Variants in PCSK5 observed in about 807,000 individuals in gnomAD.
The protein encoded by PCSK5 is prohormone convertase 5.
Under a neutral mutation model 233.2 loss-of-function variants are expected in PCSK5, and 129 were observed. That is an observed-to-expected ratio of 0.55 (90% confidence interval 0.48 to 0.64). PCSK5 has a LOEUF of 0.64. Among genes scored for constraint, PCSK5 ranks in the 30% least tolerant of loss-of-function variants. The probability of loss-of-function intolerance (pLI) is 0.00; values close to 1 mark genes in which losing one functional copy is unlikely to be tolerated. For synonymous variants in PCSK5, 825 were observed against 879.2 expected, an observed-to-expected ratio of 0.94 and a Z score of 1.09; for missense variants, 2,076 against 2,430.1, an observed-to-expected ratio of 0.85 and a Z score of 3.06.
intron 3 of PCSK5, among the ~76,000 whole-genome samples, chr9:76,013,687 G>C (rs1441075876): frequency 6.6e-6 from 1 of 152,138 alleles, no homozygotes; most frequent in Non-Finnish European, 1.5e-5. Context: ...ATGAATGAAG[G>C]TTTGGGAAGA....
chr9:75,948,810 T>C (rs1165449472), intron 2 of PCSK5, among the ~76,000 whole-genome samples: 1 of 152,152 alleles, frequency 6.6e-6, no homozygotes, highest in East Asian at 1.9e-4. Flanking sequence ...CTCCACATCC[T>C]ATCCAGCATC....
intron 32 of PCSK5, 68 bp downstream of exon 32, chr9:76,323,356 G>T (rs1373692862): frequency 4.5e-6 from 4 of 884,174 alleles, no homozygotes; most frequent in Non-Finnish European, 7.2e-6. Context: ...CCCAGCGCCA[G>T]AGCTGTCATC....
chr9:76,051,863 C>A (rs1273011743), intron 5 of PCSK5, among the ~76,000 whole-genome samples: 1 of 152,172 alleles, frequency 6.6e-6, no homozygotes, highest in Non-Finnish European at 1.5e-5. Context: ...ACTAGTGGAT[C>A]TAAGTCTCAG....
chr9:75,914,890 T>C (rs1822915182), intron 1 of PCSK5, among the ~76,000 whole-genome samples: 1 of 152,214 alleles, frequency 6.6e-6, no homozygotes, highest in African/African-American at 2.4e-5. Context: ...CCCCTACTTC[T>C]GTGAAAATCT....
intron 3 of PCSK5, among the ~76,000 whole-genome samples, chr9:76,009,642 AC>A (rs1380499919): frequency 4.6e-5 from 7 of 151,780 alleles, no homozygotes; most frequent in South Asian, 2.1e-4. Context: ...AAAAAAAAAA[AC>A]AAAAAAGAAA....
At chr9:76,254,416 T>C (rs1342530245) in intron 24 of PCSK5, among the ~76,000 whole-genome samples, 1 of 152,102 alleles carries the variant, frequency 6.6e-6, no homozygotes, top group African/African-American at 2.4e-5. Context: ...TGTCTTACCT[T>C]GGAAATGTCT....
intron 34 of PCSK5, among the ~76,000 whole-genome samples, chr9:76,333,689 A>G (rs1044726221): frequency 2.6e-5 from 4 of 152,220 alleles, no homozygotes; most frequent in African/African-American, 9.6e-5. Context: ...TCAATAACCT[A>G]GAGCACTGGG....
chr9:76,044,237 A>C (rs1181261909), intron 5 of PCSK5, among the ~76,000 whole-genome samples: 1 of 152,230 alleles, frequency 6.6e-6, no homozygotes, highest in Non-Finnish European at 1.5e-5. Flanking sequence ...GATTTTAAAA[A>C]TCAGGAATAT....
At chr9:76,099,442 C>A (rs1052573916) in intron 8 of PCSK5, among the ~76,000 whole-genome samples, 1 of 152,182 alleles carries the variant, frequency 6.6e-6, no homozygotes, top group African/African-American at 2.4e-5. Flanking sequence ...CGCCTAAGCT[C>A]CTGTAGCTTT....
At position 76,328,113 on chromosome 9, in the gene PCSK5, T is replaced by G. The variant is rs763544804; in HGVS notation, c.4444T>G (p.Cys1482Gly). ...PRGSCMANEK[C>G]SPSEYWDEDA... ...TGGGAGCTGCATGGCCAACGAGAAG[T>G]GCTCACCCTCCGAGTACTGGGATGA... Residue 1482 changes from cysteine to glycine, a missense_variant, in exon 33 of 38, where the codon TGC (cysteine) becomes GGC (glycine). Cys to Gly is a radical substitution (Grantham distance 159, BLOSUM62 -3). Transcript: ENST00000674117. The G allele has an allele frequency of 1.4e-5, 23 of 1,612,678 alleles. No individual in the cohort carries two copies. The highest frequency in any genetic ancestry group is 1.8e-5 in the Non-Finnish European group (21 of 1,179,828).
intron 2 of PCSK5, among the ~76,000 whole-genome samples, chr9:75,967,312 G>A (rs776570996): frequency 6.6e-6 from 1 of 152,106 alleles, no homozygotes; most frequent in African/African-American, 2.4e-5. Context: ...AGTACCCAAT[G>A]TTTAGCTCCC....
At chr9:76,178,227 A>AT (rs1426527756) in intron 14 of PCSK5, among the ~76,000 whole-genome samples, 1 of 152,190 alleles carries the variant, frequency 6.6e-6, no homozygotes, top group African/African-American at 2.4e-5. Flanking sequence ...TAGCTATGGA[A>AT]TTTGGAGATC....
At chr9:76,328,338 A>AT (rs1327788247) in intron 33 of PCSK5, 99 bp downstream of exon 33, 6 of 860,532 alleles carry the variant, frequency 7.0e-6, no homozygotes, top group Non-Finnish European at 7.6e-6. Context: ...TTTCTTTTTG[A>AT]TTTTTTGCTT....
intron 12 of PCSK5, among the ~76,000 whole-genome samples, chr9:76,164,225 G>A (rs1420962500): frequency 6.6e-6 from 1 of 152,130 alleles, no homozygotes; most frequent in African/African-American, 2.4e-5. Flanking sequence ...CTTTTGCAGT[G>A]AATGTTTTAC....
intron 1 of PCSK5, among the ~76,000 whole-genome samples, chr9:75,903,604 A>G (rs1266392646): frequency 7.0e-6 from 1 of 142,680 alleles, no homozygotes; most frequent in African/African-American, 2.6e-5. Flanking sequence ...TATATTATAT[A>G]TATATATTAT....
chr9:76,044,562 T>C (rs1008472121), intron 5 of PCSK5, among the ~76,000 whole-genome samples: 13 of 152,212 alleles, frequency 8.5e-5, no homozygotes, highest in Non-Finnish European at 1.6e-4. Context: ...CAGTTTTCTG[T>C]GAGCATTACA....
chr9:76,161,881 C>T (rs1822875784), intron 12 of PCSK5, among the ~76,000 whole-genome samples: 1 of 152,158 alleles, frequency 6.6e-6, no homozygotes, highest in African/African-American at 2.4e-5. Flanking sequence ...CGTGCGGTGA[C>T]CGGCACTCCT....
chr9:76,033,131 T>C (rs1563984142), intron 5 of PCSK5, among the ~76,000 whole-genome samples: 1 of 152,218 alleles, frequency 6.6e-6, no homozygotes, highest in Admixed American at 6.5e-5. Flanking sequence ...TGTCCTTCCC[T>C]TTCCCATTTC....
chr9:76,170,772 A>C (rs1445472962), intron 13 of PCSK5, among the ~76,000 whole-genome samples: 2 of 152,250 alleles, frequency 1.3e-5, no homozygotes, highest in African/African-American at 4.8e-5. Flanking sequence ...AGTGTGTAGC[A>C]TTCAGATACA....
Sources: gnomAD v4.1 joint callset for allele counts (sites outside exome capture counted in the v4.1 genomes callset) on GRCh38, gnomAD v4.1.1 for gene constraint, MANE v1.5 for transcripts, NCBI Gene and HGNC (gene_info 2026-07-23, HGNC 2026-07-21) for gene names.